CCDC102A: variants seen among roughly 807,000 people sequenced by gnomAD.
CCDC102A encodes the protein coiled-coil domain containing 102A.
A neutral mutation model predicts 55.5 loss-of-function variants in CCDC102A; 40 were observed. That is an observed-to-expected ratio of 0.72 (90% confidence interval 0.56 to 0.94). The LOEUF is 0.94. CCDC102A is among the 40% of genes least tolerant of loss of function. CCDC102A has a pLI of 0.00. For synonymous variants in CCDC102A, 323 were observed against 339.0 expected (o/e 0.95, Z 0.52); for missense variants, 779 against 768.6 (o/e 1.01, Z -0.16).
In CCDC102A at chr16:57,528,852, C is replaced by T. The variant is rs751755398; in HGVS notation, c.326G>A (p.Ser109Asn). Reference protein sequence around the residue: ...DCTANWREKWSKVRAERNRAR... With the variant: ...DCTANWREKWNKVRAERNRAR... ...GCGGTTGCGCTCAGCGCGCACCTTG[C>T]TCCATTTCTCGCGCCAATTGGCAGT... The change falls in exon 2 of 9, where the codon AGC becomes AAC. Residue 109 changes from serine to asparagine, a missense_variant. Physicochemically the swap from Ser to Asn is conservative, Grantham distance 46 (BLOSUM62 1). Coordinates refer to ENST00000258214, the MANE Select transcript of CCDC102A (RefSeq NM_033212.4). 7.4e-6 allele frequency: 10 copies of T among 1,344,340 alleles called. No homozygotes were observed. In the South Asian group the frequency reaches 1.3e-4, roughly 18 times the overall value. 83.3% of individuals were successfully genotyped at this position (1,344,340 alleles called of 1,614,324 possible).
In CCDC102A at chr16:57,512,786, G is replaced by A. The variant is rs2146695096; in HGVS notation, c.1608C>T (p.Thr536=). The A allele has an allele frequency of 6.2e-7, 1 of 1,614,170 alleles. No individual in the cohort carries two copies. Among genetic ancestry groups the A allele is most frequent in the Non-Finnish European group, 8.5e-7 (1 of 1,180,002 alleles). ...RFGTEEAEDG[T]SDLDEDEDLQ... ...GGTCCTCGTCCTCGTCCAGGTCACT[G>A]GTTCCATCCTCGGCCTCCTCGGTGC... Residue 536 remains threonine (T), a synonymous_variant, in exon 9 of 9, where the codon ACC becomes ACT. Transcript: ENST00000258214.
At position 57,529,805 on chromosome 16, in the gene CCDC102A, A is replaced by G. The variant is rs1019525099; in HGVS notation, c.-147-481T>C. ...CCTTATGTGTCTCCATCACTGCACT[A>G]ACTTACCCTGTCATTTATGTGTCTG... On this transcript the variant is annotated intron_variant, in intron 1 of 8. Coordinates refer to ENST00000258214, the MANE Select transcript of CCDC102A (RefSeq NM_033212.4). This position sits in a 1 kb window ranked among gnomAD's most constrained non-coding sequence, Gnocchi z 4.1. 6.6e-6 allele frequency among the ~76,000 whole-genome samples: 1 copy of G among 152,084 alleles called. No homozygotes were observed. Among genetic ancestry groups the G allele is most frequent in the Non-Finnish European group, 1.5e-5 (1 of 68,010 alleles).
In CCDC102A at chr16:57,525,953, C is replaced by A; in HGVS notation, c.760G>T (p.Ala254Ser). Residue 254 changes from alanine (A) to serine (S), a missense_variant, in exon 3 of 9, where the codon GCC (alanine) becomes TCC (serine). Coordinates refer to ENST00000258214, the MANE Select transcript of CCDC102A (RefSeq NM_033212.4). ...GACTCATCCAGCCGTAGCCGCAGGG[C>A]GGTCAACTTGGAGGCCTCCTCCTCC... ...ATEEEASKLT[A>S]LRLRLDESQK... 6.2e-7 allele frequency: 1 copy of A among 1,612,332 alleles called. No homozygotes were observed. The highest frequency in any genetic ancestry group is 8.5e-7 in the Non-Finnish European group (1 of 1,179,344).
At chr16:57,525,108 T>G (rs562009036) in intron 3 of CCDC102A, among the ~76,000 whole-genome samples, 2 of 129,588 alleles carry the variant, frequency 1.5e-5, no homozygotes, top group South Asian at 5.1e-4. Context: ...TATTTATTTA[T>G]TTATTGAGAC....
In CCDC102A at chr16:57,515,374, T is replaced by C. The variant is rs775309351; in HGVS notation, c.1490A>G (p.Asn497Ser). 6 of 1,608,246 alleles carry C rather than the reference T, an allele frequency of 3.7e-6. No individual in the cohort carries two copies. The highest frequency in any genetic ancestry group is 5.1e-6 in the Non-Finnish European group (6 of 1,178,302). ...SLDEQTEQSE[N>S]LQVQLEHLQS... Reference sequence around the variant, plus strand: ...CAGGTGCTCCAGTTGCACTTGCAGGTTCTCGCTCTGCTCCGTCTGCTCGTC... The same window carrying C: ...CAGGTGCTCCAGTTGCACTTGCAGGCTCTCGCTCTGCTCCGTCTGCTCGTC... Residue 497 changes from asparagine (N) to serine (S), a missense_variant, in exon 8 of 9, where the codon AAC becomes AGC. Coordinates refer to ENST00000258214, the MANE Select transcript of CCDC102A (RefSeq NM_033212.4).
At chr16:57,522,995 T>C (rs1598074255) in intron 3 of CCDC102A, among the ~76,000 whole-genome samples, 2 of 152,218 alleles carry the variant, frequency 1.3e-5, no homozygotes, top group East Asian at 3.9e-4. Context: ...GGTGAAAACC[T>C]GTCTCTACTA....
At chr16:57,523,886 C>G (rs1489225121) in intron 3 of CCDC102A, among the ~76,000 whole-genome samples, 7 of 152,146 alleles carry the variant, frequency 4.6e-5, no homozygotes, top group Non-Finnish European at 7.3e-5. Context: ...GTTCCACTCT[C>G]AGAGAGAGAG....
chr16:57,515,826 G>A (rs1301057321), intron 7 of CCDC102A, among the ~76,000 whole-genome samples: 2 of 151,006 alleles, frequency 1.3e-5, no homozygotes, highest in Admixed American at 6.6e-5. Context: ...AGCATGCCTA[G>A]CCATGCCTTC....
At chr16:57,512,904 C>A in intron 8 of CCDC102A, 34 bp from the exon 9 acceptor site, 1 of 1,597,824 alleles carries the variant, frequency 6.3e-7, no homozygotes, top group South Asian at 1.1e-5. Flanking sequence ...GTTAGAGCAG[C>A]CTGGCTGGTA....
intron 4 of CCDC102A, 79 bp from the exon 5 acceptor site, chr16:57,518,820 G>T: frequency 8.9e-7 from 1 of 1,121,434 alleles, no homozygotes; most frequent in Non-Finnish European, 1.3e-6. Context: ...GGGCGCCAGT[G>T]CAGGAGTGCT....
intron 8 of CCDC102A, among the ~76,000 whole-genome samples, chr16:57,514,739 C>T (rs55642121): frequency 0.078 from 11,924 of 152,228 alleles, 607 homozygotes; most frequent in East Asian, 0.19. Context: ...TCTCAGGGCC[C>T]GGCACAGGTC....
At chr16:57,515,249 C>T in intron 8 of CCDC102A, 92 bp downstream of exon 8, 1 of 799,922 alleles carries the variant, frequency 1.3e-6, no homozygotes, top group Non-Finnish European at 2.1e-6. Flanking sequence ...CCTTCGTCTC[C>T]CCCTCCAGCC....
intron 1 of CCDC102A, among the ~76,000 whole-genome samples, chr16:57,536,038 C>G (rs1400292678): frequency 6.6e-6 from 1 of 152,172 alleles, no homozygotes; most frequent in East Asian, 1.9e-4. Context: ...GGGTTCCCGG[C>G]CCGCGCCGCG....
intron 4 of CCDC102A, among the ~76,000 whole-genome samples, chr16:57,519,990 T>C (rs1403052688): frequency 2.0e-5 from 3 of 152,238 alleles, no homozygotes; most frequent in African/African-American, 7.2e-5. Context: ...CAGCTCAGCC[T>C]GCTCTGAGCC....
chr16:57,515,167 C>T (rs1211572705), intron 8 of CCDC102A, among the ~76,000 whole-genome samples, 174 bp downstream of exon 8: 3 of 152,286 alleles, frequency 2.0e-5, no homozygotes, highest in African/African-American at 7.2e-5. Context: ...GCACCCCCTG[C>T]CCTGGTTTCC....
rs1297053353 is a variant in CCDC102A at position 57,528,677 on chromosome 16, G to A, written c.501C>T (p.Ala167=). 1.8e-6 allele frequency: 2 copies of A among 1,133,362 alleles called. No homozygotes were observed. Among genetic ancestry groups the A allele is most frequent in the South Asian group, 2.9e-5 (1 of 34,418 alleles). 70.2% of individuals were successfully genotyped at this position (1,133,362 alleles called of 1,614,324 possible). A position where few individuals can be genotyped will look rare whatever the true frequency, so the allele number is the denominator to read the frequency against. Residue 167 remains alanine, a synonymous_variant, in exon 2 of 9, where the codon GCC becomes GCT. Coordinates refer to ENST00000258214, the MANE Select transcript of CCDC102A (RefSeq NM_033212.4). ...GCTCGGGGCCGTCGCGCGTCTGGTC[G>A]GCGACCCCCCGGGCGCCCCTCAGCC... The part of the protein sequence containing the change: ...LARLRGARGV[A]DQTRDGPEPE...
intron 2 of CCDC102A, among the ~76,000 whole-genome samples, chr16:57,527,548 T>C (rs1199407364): frequency 6.6e-6 from 1 of 151,460 alleles, no homozygotes; most frequent in Non-Finnish European, 1.5e-5. Context: ...GCCTTCCGAG[T>C]AGCTGGTATT....
At chr16:57,526,413 C>T (rs1233755925) in intron 2 of CCDC102A, among the ~76,000 whole-genome samples, 2 of 152,214 alleles carry the variant, frequency 1.3e-5, no homozygotes, top group East Asian at 1.9e-4. Flanking sequence ...TGCAAACCTA[C>T]GGCGGGGCAC....
chr16:57,512,863 T>G lies in CCDC102A; in HGVS notation c.1531A>C (p.Arg511=). Residue 511 remains arginine, a synonymous_variant, in exon 9 of 9, where the codon AGG becomes CGG. Coordinates refer to ENST00000258214, the MANE Select transcript of CCDC102A (RefSeq NM_033212.4). ...AAGAGGGGAGCGTTCTGCTGCTGCC[T>G]GCGGAGCCTGTGGGGTGGGGGTGAC... ...QLEHLQSRLR[R]QQQNAPLFGK... 2 of 1,613,396 alleles carry G rather than the reference T, an allele frequency of 1.2e-6. No homozygotes were observed. The highest frequency in any genetic ancestry group is 1.7e-6 in the Non-Finnish European group (2 of 1,179,820).
Sources: gnomAD v4.1 joint callset for allele counts (sites outside exome capture counted in the v4.1 genomes callset) on GRCh38, gnomAD v4.1.1 for gene constraint, Gnocchi (gnomAD v3.1) non-coding constraint, MANE v1.5 for transcripts, NCBI Gene and HGNC (gene_info 2026-07-23, HGNC 2026-07-21) for gene names.